The following KMT5B variants were observed in gnomAD, a reference collection of about 807,000 sequenced individuals.
The protein encoded by KMT5B is histone-lysine N-methyltransferase KMT5B.
KMT5B carries 10 observed loss-of-function variants against 83.2 expected under a neutral mutation model. The ratio of observed to expected loss-of-function variants is 0.12; its 90% CI spans 0.07 to 0.20. KMT5B has a LOEUF of 0.20. KMT5B is among the 10% of genes least tolerant of loss of function. The pLI is 1.00. For missense variants in KMT5B, 753 were observed against 1,067.2 expected (o/e 0.71, Z 4.10); for synonymous variants, 349 against 388.8 (o/e 0.90, Z 1.20).
At chr11:68,190,254 A>G (rs1268315036) in intron 1 of KMT5B, 102 bp from the exon 2 acceptor site, 2 of 593,348 alleles carry the variant, frequency 3.4e-6, no homozygotes, top group Admixed American at 3.2e-5. Context: ...TATTAAAAGG[A>G]CAGTCATTCA....
chr11:68,158,019 T>G lies in KMT5B; in HGVS notation c.2327A>C (p.Lys776Thr). 6.2e-7 allele frequency: 1 copy of G among 1,614,192 alleles called. No homozygotes were observed. Among genetic ancestry groups the G allele is most frequent in the Non-Finnish European group, 8.5e-7 (1 of 1,180,034 alleles). The change falls in exon 11 of 11, where the codon AAA becomes ACA. Residue 776 changes from lysine to threonine, a missense_variant. Physicochemically the swap from Lys to Thr is moderately conservative, Grantham distance 78 (BLOSUM62 -1). Coordinates refer to ENST00000304363, the MANE Select transcript of KMT5B (RefSeq NM_017635.5). ...FNSGSGSSST[K>T]LKIQLKRDEE... The stretch of plus-strand genomic sequence containing the variant: ...ATCTCGTTTTAGCTGGATTTTTAAT[T>G]TTGTAGAACTACTGCCTGATCCTGA...
intron 1 of KMT5B, among the ~76,000 whole-genome samples, chr11:68,198,783 G>A (rs921973357): frequency 6.6e-6 from 1 of 152,138 alleles, no homozygotes; most frequent in Admixed American, 6.5e-5. Context: ...AGGCTGGAGT[G>A]CAGTGGCACG....
intron 1 of KMT5B, among the ~76,000 whole-genome samples, chr11:68,207,903 G>A (rs1017672264): frequency 2.7e-5 from 4 of 150,262 alleles, no homozygotes; most frequent in Non-Finnish European, 5.9e-5. Flanking sequence ...GCAGTGGCAC[G>A]ATCTCTGCTC....
intron 1 of KMT5B, among the ~76,000 whole-genome samples, chr11:68,192,436 G>A (rs147991683): frequency 6.6e-6 from 1 of 152,292 alleles, no homozygotes; most frequent in East Asian, 1.9e-4. Flanking sequence ...CCTTGCTTGT[G>A]TTTAGAACAG....
intron 9 of KMT5B, among the ~76,000 whole-genome samples, chr11:68,169,194 C>A (rs1313006175): frequency 2.6e-5 from 4 of 152,146 alleles, no homozygotes; most frequent in African/African-American, 7.2e-5. Context: ...CTCATTTTCA[C>A]CAGTGAGAAA....
intron 10 of KMT5B, 129 bp from the exon 11 acceptor site, chr11:68,159,300 G>A (rs1854654343): frequency 7.6e-6 from 10 of 1,319,540 alleles, no homozygotes; most frequent in Non-Finnish European, 9.0e-6. Flanking sequence ...GGCTCCTGCT[G>A]CAGATTCTGC....
At chr11:68,191,629 T>G (rs955911070) in intron 1 of KMT5B, among the ~76,000 whole-genome samples, 1 of 152,202 alleles carries the variant, frequency 6.6e-6, no homozygotes, top group African/African-American at 2.4e-5. Flanking sequence ...CCACTGTATG[T>G]GGCCAGAATG....
intron 4 of KMT5B, chr11:68,179,918 G>A: frequency 1.8e-6 from 1 of 546,884 alleles, no homozygotes; most frequent in Non-Finnish European, 3.1e-6. Context: ...CTGATCTTTT[G>A]AAGAATGATT....
At position 68,163,265 on chromosome 11, in the gene KMT5B, G is replaced by A. The variant is rs969236420; in HGVS notation, c.1174+3717C>T. Among the ~76,000 whole-genome samples, 17 of 152,198 alleles carry A rather than the reference G, an allele frequency of 1.1e-4. 1 individual carries two copies. Among genetic ancestry groups the A allele is most frequent in the African/African-American group, 4.1e-4 (17 of 41,450 alleles). ...GCAAAATGGCCACATTCATCCTAAT[G>A]AACGCCGTTGGAAGGGAAAGCGATT... On this transcript the variant is annotated intron_variant, in intron 10 of 10. Transcript: ENST00000304363.
At position 68,200,657 on chromosome 11, in the gene KMT5B, C is replaced by T. The variant is rs550405389; in HGVS notation, c.-76-10505G>A. Among the ~76,000 whole-genome samples, 36 of 152,224 alleles carry T rather than the reference C, an allele frequency of 2.4e-4. 1 individual carries two copies. The South Asian group carries it at 7.5e-3, about 32-fold the overall frequency. Reference sequence around the variant, plus strand: ...AGGTTAGTTAATTTGAGAAGGCAAGCCTTCAGAGCGCTTATAGGATCTGTG... The same window carrying T: ...AGGTTAGTTAATTTGAGAAGGCAAGTCTTCAGAGCGCTTATAGGATCTGTG... On this transcript the variant is annotated intron_variant, in intron 1 of 10. Transcript: ENST00000304363.
chr11:68,188,025 T>C (rs969739457), intron 2 of KMT5B, among the ~76,000 whole-genome samples: 6 of 151,078 alleles, frequency 4.0e-5, no homozygotes, highest in South Asian at 2.1e-4. Flanking sequence ...TTTTCCTTTT[T>C]CTTTTTTTTT....
At chr11:68,207,776 G>C in intron 1 of KMT5B, among the ~76,000 whole-genome samples, 1 of 138,792 alleles carries the variant, frequency 7.2e-6, no homozygotes, top group Non-Finnish European at 1.5e-5. Flanking sequence ...GGGCAACAGA[G>C]TGAGACTCCA....
chr11:68,159,320 T>G, intron 10 of KMT5B, 149 bp from the exon 11 acceptor site: 1 of 1,096,910 alleles, frequency 9.1e-7, no homozygotes. Context: ...CCAGCGCACC[T>G]GCATTCCCTA....
chr11:68,180,247 TA>T, intron 3 of KMT5B, 47 bp from the exon 4 acceptor site: 1 of 1,530,130 alleles, frequency 6.5e-7, no homozygotes, highest in Non-Finnish European at 8.9e-7. Flanking sequence ...GCTATTTGTA[TA>T]ATCTGTACTT....
intron 1 of KMT5B, 117 bp from the exon 2 acceptor site, chr11:68,190,269 A>G (rs1857890426): frequency 8.8e-6 from 5 of 571,308 alleles, no homozygotes; most frequent in South Asian, 4.6e-5. Context: ...CATTCACAGT[A>G]TAATGATGTT....
chr11:68,209,865 C>G (rs1860649099), intron 1 of KMT5B, among the ~76,000 whole-genome samples: 2 of 149,236 alleles, frequency 1.3e-5, no homozygotes, highest in Non-Finnish European at 3.0e-5. Context: ...TTTTCTTTCC[C>G]CCTTTTTTTT....
intron 1 of KMT5B, among the ~76,000 whole-genome samples, chr11:68,210,819 C>T (rs1860802022): frequency 6.6e-6 from 1 of 152,178 alleles, no homozygotes; most frequent in South Asian, 2.1e-4. Context: ...GATTCTTAAC[C>T]ATCAGAGCGT....
intron 10 of KMT5B, among the ~76,000 whole-genome samples, chr11:68,161,946 C>T (rs78749946): frequency 0.019 from 2,924 of 152,208 alleles, 101 homozygotes; most frequent in African/African-American, 0.066. Flanking sequence ...TGGAACTCAC[C>T]ATCAAGTCTC....
intron 1 of KMT5B, among the ~76,000 whole-genome samples, chr11:68,195,047 G>A (rs754882488): frequency 6.6e-6 from 1 of 152,088 alleles, no homozygotes; most frequent in Non-Finnish European, 1.5e-5. Flanking sequence ...CAAGGATGGT[G>A]GTATGCACCT....
Sources: gnomAD v4.1 joint callset for allele counts (sites outside exome capture counted in the v4.1 genomes callset) on GRCh38, gnomAD v4.1.1 for gene constraint, MANE v1.5 for transcripts, NCBI Gene and HGNC (gene_info 2026-07-23, HGNC 2026-07-21) for gene names.